The following EHF variants were observed in gnomAD, a reference collection of about 807,000 sequenced individuals.
The protein encoded by EHF is ESE3 transcription factor.
Under a neutral mutation model 45.1 loss-of-function variants are expected in EHF, and 14 were observed. That is an observed-to-expected ratio of 0.31 (90% CI 0.21 to 0.49). The LOEUF is 0.49. Ranked by LOEUF, EHF falls within the 20% of genes least tolerant of loss-of-function variation. The pLI, the probability that EHF is intolerant of heterozygous loss-of-function variation, is 0.99. For missense variants in EHF, 282 were observed against 371.4 expected (o/e 0.76, Z 1.98); for synonymous variants, 136 against 131.8 (o/e 1.03, Z -0.22).
In EHF at chr11:34,661,754, C is replaced by T. The variant is rs2134257987; in HGVS notation, c.*2823C>T. On this transcript the variant is annotated 3_prime_UTR_variant, in exon 9 of 9. Transcript: ENST00000257831. ...TAAACCCTCCTTTCTTTTGGGGACA[C>T]ATGGCTCTCACTTGAGAAGCTCACC... is the stretch of plus-strand genomic sequence containing the variant. Among the ~76,000 whole-genome samples, 1 of 152,270 alleles carries T rather than the reference C, an allele frequency of 6.6e-6. No homozygotes were observed. The highest frequency in any genetic ancestry group is 1.9e-4 in the East Asian group (1 of 5,178).
At chr11:34,647,440 G>A (rs1331806612) in intron 3 of EHF, among the ~76,000 whole-genome samples, 1 of 152,196 alleles carries the variant, frequency 6.6e-6, no homozygotes, top group Non-Finnish European at 1.5e-5. Flanking sequence ...TGACATGTAA[G>A]ACCTAGTAGG....
intron 1 of EHF, among the ~76,000 whole-genome samples, chr11:34,630,941 T>G (rs1453689678): frequency 1.3e-5 from 2 of 152,082 alleles, no homozygotes; most frequent in Non-Finnish European, 2.9e-5. Flanking sequence ...CGGAGAACAC[T>G]GGGGCAAGGT....
intron 1 of EHF, among the ~76,000 whole-genome samples, chr11:34,630,839 TC>T (rs1852818435): frequency 2.0e-5 from 3 of 151,994 alleles, no homozygotes; most frequent in African/African-American, 7.2e-5. Flanking sequence ...TTCTTAATGC[TC>T]CTGGAGAGGC....
intron 1 of EHF, among the ~76,000 whole-genome samples, chr11:34,633,319 C>T (rs531211989): frequency 6.6e-6 from 1 of 152,258 alleles, no homozygotes; most frequent in Non-Finnish European, 1.5e-5. Flanking sequence ...TTGTCTCTAA[C>T]TTTATAAGGA....
intron 1 of EHF, chr11:34,632,374 T>G (rs1852974168): frequency 1.9e-6 from 2 of 1,080,518 alleles, no homozygotes; most frequent in Non-Finnish European, 2.5e-6. Context: ...CAGCTCTGTT[T>G]ACGGTGGGTT....
Position 34,661,684 on chromosome 11 carries a change from G to C in EHF, c.*2753G>C, listed in dbSNP as rs750575806. Among the ~76,000 whole-genome samples, 1 of 152,098 alleles carries C rather than the reference G, an allele frequency of 6.6e-6. No homozygotes were observed. The highest frequency in any genetic ancestry group is 1.9e-4 in the East Asian group (1 of 5,198). ...TATGCCAACTTGGGGTGGTAACAGAGTACTTCCCACCACAGTGTTGAAAGG... is the reference window on the plus strand; with the variant it reads ...TATGCCAACTTGGGGTGGTAACAGACTACTTCCCACCACAGTGTTGAAAGG... On this transcript the variant is annotated 3_prime_UTR_variant, in exon 9 of 9. Coordinates refer to ENST00000257831, the MANE Select transcript of EHF (RefSeq NM_012153.6).
chr11:34,624,757 G>C (rs950478169), intron 1 of EHF, among the ~76,000 whole-genome samples: 2 of 152,154 alleles, frequency 1.3e-5, no homozygotes, highest in Non-Finnish European at 2.9e-5. Context: ...TCTTCAGAGG[G>C]GGGTGGAAAT....
chr11:34,656,479 A>G (rs1326312522), intron 6 of EHF, among the ~76,000 whole-genome samples: 6 of 152,042 alleles, frequency 3.9e-5, no homozygotes, highest in Admixed American at 6.5e-5. Context: ...TAAAAGTCCC[A>G]TAAGGGATTA....
rs552978419 is a variant in EHF at position 34,660,654 on chromosome 11, T to A, written c.*1723T>A. ...AAATGGATTTGAATGTTCTCATCCC[T>A]TTTGCAGCTTTTCTTTTTGGCTCTC... On this transcript the variant is annotated 3_prime_UTR_variant, in exon 9 of 9. Coordinates refer to ENST00000257831, the MANE Select transcript of EHF (RefSeq NM_012153.6). 2.0e-5 allele frequency: 3 copies of A among 152,138 alleles called. No homozygotes were observed. The highest frequency in any genetic ancestry group is 4.4e-5 in the Non-Finnish European group (3 of 68,010). 9.4% of individuals were successfully genotyped at this position (152,138 alleles called of 1,614,324 possible).
intron 1 of EHF, among the ~76,000 whole-genome samples, chr11:34,638,037 G>C (rs1384037951): frequency 1.3e-5 from 2 of 152,194 alleles, no homozygotes; most frequent in African/African-American, 4.8e-5. Context: ...GAGTAGCTGG[G>C]ATTACAGGCA....
rs1856010066 is a variant in EHF, at chr11:34,660,404, G to A, written c.*1473G>A. ...TCATCTGAACTGATCCCAGGTGAAC[G>A]GTTTATTGCCTAGATTTGTACTCAG... On this transcript the variant is annotated 3_prime_UTR_variant, in exon 9 of 9. Coordinates refer to ENST00000257831, the MANE Select transcript of EHF (RefSeq NM_012153.6). The A allele has an allele frequency of 6.6e-6, 1 of 151,902 alleles. No individual in the cohort carries two copies. The allele number at this position is 151,902 out of a possible 1,614,324, so 9.4% of individuals were successfully genotyped here.
At chr11:34,622,397 T>C (rs1852042127) in intron 1 of EHF, 2 of 1,285,004 alleles carry the variant, frequency 1.6e-6, no homozygotes, top group South Asian at 2.5e-5. Context: ...AATTCAGGAG[T>C]TGGTTCTGCA....
At chr11:34,632,513 T>G (rs1852985628) in intron 1 of EHF, 1 of 1,534,678 alleles carries the variant, frequency 6.5e-7, no homozygotes, top group Non-Finnish European at 8.7e-7. Flanking sequence ...TGGCTCAGGC[T>G]GCTTTGTGAA....
At chr11:34,652,176 T>G (rs1483710492) in intron 6 of EHF, among the ~76,000 whole-genome samples, 2 of 152,226 alleles carry the variant, frequency 1.3e-5, no homozygotes, top group African/African-American at 4.8e-5. Flanking sequence ...AAACTACATT[T>G]GGCTTTAGAG....
intron 1 of EHF, among the ~76,000 whole-genome samples, chr11:34,635,658 C>G (rs1853327141): frequency 6.7e-6 from 1 of 149,548 alleles, no homozygotes. Context: ...TTTAGCCGTT[C>G]TCTATCAGGA....
At chr11:34,649,581 T>G (rs1194465948) in intron 4 of EHF, among the ~76,000 whole-genome samples, 1 of 152,226 alleles carries the variant, frequency 6.6e-6, no homozygotes, top group Admixed American at 6.5e-5. Context: ...CAAAGGTACC[T>G]GCAACCCAGC....
Position 34,658,689 on chromosome 11 carries a change from A to G in EHF, c.764A>G (p.Asn255Ser), listed in dbSNP as rs776494379. 1.3e-5 allele frequency: 21 copies of G among 1,613,762 alleles called. No individual in the cohort carries two copies. The highest frequency in any genetic ancestry group is 1.7e-5 in the Non-Finnish European group (20 of 1,179,770). ...VAQLWGKKKNNSSMTYEKLSR... is the reference protein window; with the variant it reads ...VAQLWGKKKNSSSMTYEKLSR... ...CAGCTATGGGGTAAAAAGAAGAACA[A>G]CAGCAGCATGACCTATGAAAAGCTC... is the stretch of plus-strand genomic sequence containing the variant. Residue 255 changes from asparagine to serine, a missense_variant, in exon 8 of 9, where the codon AAC (asparagine) becomes AGC (serine). Physicochemically the swap from Asn to Ser is conservative, Grantham distance 46 (BLOSUM62 1). Transcript: ENST00000257831.
intron 1 of EHF, among the ~76,000 whole-genome samples, chr11:34,634,712 A>C (rs1853223445): frequency 6.6e-6 from 1 of 152,222 alleles, no homozygotes; most frequent in African/African-American, 2.4e-5. Flanking sequence ...ATAGGGGGAT[A>C]ATTTACATTA....
At chr11:34,639,965 G>C (rs1289037382) in intron 1 of EHF, among the ~76,000 whole-genome samples, 2 of 152,156 alleles carry the variant, frequency 1.3e-5, no homozygotes, top group African/African-American at 2.4e-5. Flanking sequence ...GGGGCTTGTG[G>C]GCATTTGGCC....
Sources: allele counts gnomAD v4.1 joint callset (sites outside exome capture counted in the v4.1 genomes callset), GRCh38; gene constraint gnomAD v4.1.1; transcripts MANE v1.5; gene names NCBI Gene and HGNC (gene_info 2026-07-23, HGNC 2026-07-21).